Variants in DLGAP1 observed in about 807,000 individuals in gnomAD.
DLGAP1 encodes the protein DLG associated protein 1.
In DLGAP1, 11 loss-of-function variants were observed where a neutral mutation model predicts 90.8. That is an observed-to-expected ratio of 0.12 (90% confidence interval 0.08 to 0.20). DLGAP1 has a LOEUF of 0.20. Ranked by LOEUF, DLGAP1 falls within the 10% of genes least tolerant of loss-of-function variation. The probability of loss-of-function intolerance (pLI) is 1.00; values close to 1 mark genes in which losing one functional copy is unlikely to be tolerated. For missense variants in DLGAP1, 1,050 were observed against 1,333.8 expected, an observed-to-expected ratio of 0.79 and a Z score of 3.31; for synonymous variants, 558 against 540.7, an observed-to-expected ratio of 1.03 and a Z score of -0.44.
intron 1 of DLGAP1, among the ~76,000 whole-genome samples, chr18:4,159,970 C>T (rs1167102406): frequency 6.6e-6 from 1 of 152,196 alleles, no homozygotes; most frequent in Non-Finnish European, 1.5e-5. Context: ...CCCACACCAA[C>T]TCACTTCTTC....
At chr18:4,257,220 T>G (rs767153212) in intron 1 of DLGAP1, among the ~76,000 whole-genome samples, 1 of 152,078 alleles carries the variant, frequency 6.6e-6, no homozygotes, top group Non-Finnish European at 1.5e-5. Context: ...AATAAGGAAG[T>G]GAGAGAAATA....
chr18:4,074,476 A>G (rs935021780), intron 2 of DLGAP1, among the ~76,000 whole-genome samples: 1 of 152,128 alleles, frequency 6.6e-6, no homozygotes, highest in Admixed American at 6.5e-5. Context: ...CTGTAATTTC[A>G]GCATGACCCC....
chr18:3,665,212 T>C (rs928576947), intron 7 of DLGAP1, among the ~76,000 whole-genome samples: 3 of 152,192 alleles, frequency 2.0e-5, no homozygotes, highest in Non-Finnish European at 4.4e-5. Flanking sequence ...CTGTTTAAAA[T>C]GTTTCTAAAT....
intron 10 of DLGAP1, among the ~76,000 whole-genome samples, chr18:3,513,555 C>T (rs548705824): frequency 6.6e-6 from 1 of 152,282 alleles, no homozygotes; most frequent in Non-Finnish European, 1.5e-5. Context: ...TGATCACTGT[C>T]CCACATTAGG....
At chr18:3,611,499 C>T (rs986340084) in intron 7 of DLGAP1, among the ~76,000 whole-genome samples, 3 of 152,138 alleles carry the variant, frequency 2.0e-5, no homozygotes, top group Non-Finnish European at 2.9e-5. Context: ...AGTTAGCAGC[C>T]TTCACCCTCC....
At chr18:3,814,844 TTTTC>T (rs1252099227) in intron 4 of DLGAP1, among the ~76,000 whole-genome samples, 1 of 152,206 alleles carries the variant, frequency 6.6e-6, no homozygotes, top group Non-Finnish European at 1.5e-5. Flanking sequence ...AGACCAAGTA[TTTTC>T]TTTTTTTGGT....
chr18:4,015,951 G>T (rs2074516776), intron 2 of DLGAP1, among the ~76,000 whole-genome samples: 1 of 152,124 alleles, frequency 6.6e-6, no homozygotes, highest in South Asian at 2.1e-4. Flanking sequence ...AAATAATATT[G>T]TATAGATGTT....
intron 9 of DLGAP1, among the ~76,000 whole-genome samples, chr18:3,547,228 G>A (rs752251727): frequency 2.3e-4 from 34 of 150,652 alleles, no homozygotes; most frequent in East Asian, 7.8e-4. Context: ...TTGAACCCCC[G>A]GGGGCGGAGC....
intron 10 of DLGAP1, among the ~76,000 whole-genome samples, chr18:3,512,078 T>TA (rs59382993): frequency 6.7e-6 from 1 of 148,706 alleles, no homozygotes; most frequent in East Asian, 2.0e-4. Flanking sequence ...TTTTTTTTTT[T>TA]ACAGATTGTT....
intron 7 of DLGAP1, among the ~76,000 whole-genome samples, chr18:3,640,520 G>C (rs2146306630): frequency 6.6e-6 from 1 of 152,340 alleles, no homozygotes; most frequent in African/African-American, 2.4e-5. Context: ...CTCCCAAACT[G>C]AGGAGAAACC....
At chr18:4,334,256 C>CA (rs1333358197) in intron 1 of DLGAP1, among the ~76,000 whole-genome samples, 2 of 151,080 alleles carry the variant, frequency 1.3e-5, no homozygotes, top group African/African-American at 4.9e-5. Context: ...AACAAACAAA[C>CA]AAAAAAACAA....
intron 7 of DLGAP1, among the ~76,000 whole-genome samples, chr18:3,649,782 G>A (rs1022113055): frequency 1.3e-5 from 2 of 150,688 alleles, no homozygotes; most frequent in Admixed American, 1.3e-4. Context: ...ACAAAGAGGG[G>A]AAAAGATAAA....
chr18:3,902,100 T>C (rs1359173340), intron 3 of DLGAP1, among the ~76,000 whole-genome samples: 3 of 152,222 alleles, frequency 2.0e-5, no homozygotes, highest in Non-Finnish European at 4.4e-5. Context: ...GAAAGTTATT[T>C]CCATTTCCAT....
At chr18:4,425,002 T>G (rs568925696) in intron 1 of DLGAP1, among the ~76,000 whole-genome samples, 1 of 143,042 alleles carries the variant, frequency 7.0e-6, no homozygotes, top group African/African-American at 2.6e-5. Flanking sequence ...CTGCCTAGTA[T>G]ATACAAAAAT....
intron 2 of DLGAP1, among the ~76,000 whole-genome samples, chr18:4,019,918 T>A (rs965783715): frequency 6.6e-6 from 1 of 152,216 alleles, no homozygotes; most frequent in Non-Finnish European, 1.5e-5. Flanking sequence ...TAATTTTATA[T>A]ATTTCAGGGA....
chr18:4,344,485 GA>G (rs1254293202), intron 1 of DLGAP1, among the ~76,000 whole-genome samples: 5 of 152,108 alleles, frequency 3.3e-5, no homozygotes, highest in Non-Finnish European at 5.9e-5. Context: ...TGAGATTAAC[GA>G]AAATTCAACA....
chr18:4,303,766 T>A (rs1371944433), intron 1 of DLGAP1, among the ~76,000 whole-genome samples: 1 of 152,216 alleles, frequency 6.6e-6, no homozygotes, highest in Non-Finnish European at 1.5e-5. Context: ...CTGTGCCTAC[T>A]AGAGAAATGG....
At chr18:3,779,725 C>T (rs1234164716) in intron 5 of DLGAP1, among the ~76,000 whole-genome samples, 2 of 151,224 alleles carry the variant, frequency 1.3e-5, no homozygotes, top group African/African-American at 4.9e-5. Context: ...ATCTTTTCCA[C>T]ATCTTTAATG....
chr18:3,898,935 A>AAAGTAAAGTAAAGTAAAGTAAAGTAAAG (rs2071721284), intron 3 of DLGAP1, among the ~76,000 whole-genome samples: 1 of 152,160 alleles, frequency 6.6e-6, no homozygotes, highest in African/African-American at 2.4e-5. Flanking sequence ...AAAGTAAAGG[A>AAAGTAAAGTAAAGTAAAGTAAAGTAAAG]TTCTAGCAAT....
Sources: allele counts gnomAD v4.1 joint callset (sites outside exome capture counted in the v4.1 genomes callset), GRCh38; gene constraint gnomAD v4.1.1; transcripts MANE v1.5; gene names NCBI Gene and HGNC (gene_info 2026-07-23, HGNC 2026-07-21).